SLC39A8: variants seen among roughly 807,000 people sequenced by gnomAD.
The protein encoded by SLC39A8 is solute carrier family 39 member 8, also known as metal cation symporter ZIP8.
SLC39A8 carries 15 observed loss-of-function variants against 40.4 expected under a neutral mutation model. The ratio of observed to expected loss-of-function variants is 0.37; its 90% confidence interval spans 0.25 to 0.57. The LOEUF is 0.57. SLC39A8 is among the 20% of genes least tolerant of loss of function. The pLI is 0.75. For missense variants in SLC39A8, 472 were observed against 558.8 expected (o/e 0.84, Z 1.57); for synonymous variants, 223 against 221.6 (o/e 1.01, Z -0.06).
intron 2 of SLC39A8, among the ~76,000 whole-genome samples, chr4:102,342,871 T>C (rs1736003320): frequency 6.6e-6 from 1 of 152,196 alleles, no homozygotes; most frequent in South Asian, 2.1e-4. Flanking sequence ...AAGGAGGTCA[T>C]GCAAGTCAAA....
intron 2 of SLC39A8, among the ~76,000 whole-genome samples, chr4:102,329,622 CAAA>C (rs201339453): frequency 8.0e-5 from 6 of 74,992 alleles, no homozygotes; most frequent in Non-Finnish European, 1.1e-4. Flanking sequence ...GAATCTGTCT[CAAA>C]AAAAAAAAAA....
chr4:102,266,425 T>A (rs964068443), intron 8 of SLC39A8, among the ~76,000 whole-genome samples: 1 of 152,166 alleles, frequency 6.6e-6, no homozygotes, highest in East Asian at 1.9e-4. Context: ...TAGACAAATA[T>A]AATTTGGAGG....
intron 2 of SLC39A8, among the ~76,000 whole-genome samples, chr4:102,327,651 G>C (rs1277125831): frequency 6.6e-6 from 1 of 152,102 alleles, no homozygotes; most frequent in Non-Finnish European, 1.5e-5. Flanking sequence ...CCTTCAATAA[G>C]ATCATAAAAA....
downstream of SLC39A8, chr4:102,259,394 C>A: frequency 8.6e-7 from 1 of 1,161,764 alleles, no homozygotes; most frequent in Non-Finnish European, 1.3e-6. Flanking sequence ...GGAATTAAGC[C>A]ATTGTATAAA....
Position 102,344,815 on chromosome 4 carries a change from G to A in SLC39A8, c.-153C>T, listed in dbSNP as rs552772900. ...CGCGGGACGCCCCTGGTTCTCCGAC[G>A]CCTTCGAAAGAACAGCAGCTCGCGA... On this transcript the variant is annotated 5_prime_UTR_variant, in exon 2 of 9. Transcript: ENST00000356736. The A allele has an allele frequency of 7.6e-7, 1 of 1,321,612 alleles. No homozygotes were observed. Among genetic ancestry groups the A allele is most frequent in the African/African-American group, 1.5e-5 (1 of 64,678 alleles). 81.9% of individuals were successfully genotyped at this position (1,321,612 alleles called of 1,614,324 possible).
chr4:102,328,638 T>C (rs1455282186), intron 2 of SLC39A8, among the ~76,000 whole-genome samples: 1 of 152,260 alleles, frequency 6.6e-6, no homozygotes, highest in East Asian at 1.9e-4. Context: ...TCAGACATTA[T>C]GCTAGTTATG....
intron 8 of SLC39A8, among the ~76,000 whole-genome samples, chr4:102,264,321 T>G (rs1192876820): frequency 6.6e-6 from 1 of 152,168 alleles, no homozygotes; most frequent in African/African-American, 2.4e-5. Flanking sequence ...CTTAGGTGAT[T>G]TGATGCACTG....
rs1162955008 is a variant in SLC39A8 at position 102,344,795 on chromosome 4, G to A, written c.-133C>T. ...CTGCTCCGAGTCAGAGGTGGCGCGG[G>A]ACGCCCCTGGTTCTCCGACGCCTTC... On this transcript the variant is annotated 5_prime_UTR_variant, in exon 2 of 9. Coordinates refer to ENST00000356736, the MANE Select transcript of SLC39A8 (RefSeq NM_001135146.2). 21 of 1,322,388 alleles carry A rather than the reference G, an allele frequency of 1.6e-5. No individual in the cohort carries two copies. The South Asian group carries it at 3.1e-4, about 20-fold the overall frequency. The allele number at this position is 1,322,388 out of a possible 1,614,324, so 81.9% of individuals were successfully genotyped here. A position where few individuals can be genotyped will look rare whatever the true frequency, so the allele number is the denominator to read the frequency against.
chr4:102,258,604 C>T (rs1434502221), downstream of SLC39A8, among the ~76,000 whole-genome samples: 4 of 152,198 alleles, frequency 2.6e-5, no homozygotes, highest in Non-Finnish European at 4.4e-5. Context: ...CCCCACTGTT[C>T]ACTAATTGGC....
Position 102,268,006 on chromosome 4 carries a change from C to T in SLC39A8, c.914G>A (p.Trp305Ter). 6.2e-7 allele frequency: 1 copy of T among 1,614,216 alleles called. No homozygotes were observed. The highest frequency in any genetic ancestry group is 8.5e-7 in the Non-Finnish European group (1 of 1,180,032). The change falls in exon 7 of 9, where the codon TGG becomes TAG. Residue 305 changes from tryptophan to a stop codon, truncating the protein, a stop_gained. Coordinates refer to ENST00000356736, the MANE Select transcript of SLC39A8 (RefSeq NM_001135146.2). LOFTEE classifies it high-confidence loss of function. Reference sequence around the variant, plus strand: ...GAGGGCATCGCAGAGCGTTATCATCCAGGCAATCGTCCCTATTTCTGACAG... The same window carrying T: ...GAGGGCATCGCAGAGCGTTATCATCTAGGCAATCGTCCCTATTTCTGACAG... ...PKLSEIGTIA[W>*]MITLCDALHN...
At chr4:102,329,727 A>G (rs563163567) in intron 2 of SLC39A8, among the ~76,000 whole-genome samples, 262 of 152,224 alleles carry the variant, frequency 1.7e-3, no homozygotes, top group Middle Eastern at 3.4e-3. Flanking sequence ...CAGAATATAC[A>G]TTCTTCTCAG....
chr4:102,326,262 A>G (rs2149048194), intron 2 of SLC39A8, among the ~76,000 whole-genome samples: 1 of 152,344 alleles, frequency 6.6e-6, no homozygotes, highest in East Asian at 1.9e-4. Context: ...GAGTTGCCAC[A>G]AGAAATGAGT....
chr4:102,337,728 C>A (rs1363425490), intron 2 of SLC39A8, among the ~76,000 whole-genome samples: 1 of 152,158 alleles, frequency 6.6e-6, no homozygotes, highest in African/African-American at 2.4e-5. Context: ...ACAGTGGATT[C>A]ATTGGCCGAA....
At position 102,344,694 on chromosome 4, in the gene SLC39A8, A is replaced by G. The variant is rs1736093393; in HGVS notation, c.-32T>C. The G allele has an allele frequency of 2.8e-6, 4 of 1,416,088 alleles. No homozygotes were observed. The South Asian group carries it at 6.1e-5, about 22-fold the overall frequency. 87.7% of individuals were successfully genotyped at this position (1,416,088 alleles called of 1,614,324 possible). On this transcript the variant is annotated 5_prime_UTR_variant, in exon 2 of 9. Coordinates refer to ENST00000356736, the MANE Select transcript of SLC39A8 (RefSeq NM_001135146.2). ...CTGGGCTTCCCCTTGAGGGCCCGCGACGGGCTGCCGCGCAGAGGGACGCGC... is the reference window on the plus strand; with the variant it reads ...CTGGGCTTCCCCTTGAGGGCCCGCGGCGGGCTGCCGCGCAGAGGGACGCGC...
At chr4:102,314,223 C>T (rs1044728290) in intron 3 of SLC39A8, among the ~76,000 whole-genome samples, 1 of 151,978 alleles carries the variant, frequency 6.6e-6, no homozygotes, top group East Asian at 1.9e-4. Context: ...GGACTCATCC[C>T]GAATCTACTG....
Position 102,267,689 on chromosome 4 carries a change from A to G in SLC39A8, c.1049-15T>C. ...CACAAAGTCTCCTAGAAGAAGAAGA[A>G]GAAAATATCAAGTGAATAGTTTTTT... On this transcript the variant is annotated splice_polypyrimidine_tract_variant and intron_variant, in intron 7 of 8. Coordinates refer to ENST00000356736, the MANE Select transcript of SLC39A8 (RefSeq NM_001135146.2). 6.4e-7 allele frequency: 1 copy of G among 1,568,218 alleles called. No homozygotes were observed. Among genetic ancestry groups the G allele is most frequent in the Non-Finnish European group, 8.6e-7 (1 of 1,162,394 alleles).
At chr4:102,285,163 T>C (rs1219266868) in intron 6 of SLC39A8, among the ~76,000 whole-genome samples, 1 of 152,194 alleles carries the variant, frequency 6.6e-6, no homozygotes, top group Non-Finnish European at 1.5e-5. Context: ...AAAGTAATAA[T>C]ACCTTAATCA....
chr4:102,321,276 G>A (rs1326889322), intron 2 of SLC39A8, among the ~76,000 whole-genome samples: 1 of 152,222 alleles, frequency 6.6e-6, no homozygotes, highest in African/African-American at 2.4e-5. Context: ...ACGATAGAAT[G>A]CTGGGAGAGT....
chr4:102,317,765 G>C (rs761148816), intron 2 of SLC39A8, among the ~76,000 whole-genome samples: 1 of 152,122 alleles, frequency 6.6e-6, no homozygotes, highest in Non-Finnish European at 1.5e-5. Context: ...CTGTAAAATA[G>C]GAGGAAAACG....
Sources: gnomAD v4.1 joint callset for allele counts (sites outside exome capture counted in the v4.1 genomes callset) on GRCh38, gnomAD v4.1.1 for gene constraint, MANE v1.5 for transcripts, NCBI Gene and HGNC (gene_info 2026-07-23, HGNC 2026-07-21) for gene names.